SLC7A5: variants seen among roughly 807,000 people sequenced by gnomAD.
SLC7A5 encodes large neutral amino acids transporter small subunit 1.
Under a neutral mutation model 50.2 loss-of-function variants are expected in SLC7A5, and 23 were observed. That is an observed-to-expected ratio of 0.46 (90% CI 0.33 to 0.65). The LOEUF (loss-of-function observed/expected upper bound fraction) is 0.65. SLC7A5 is among the 30% of genes least tolerant of loss of function. SLC7A5 has a pLI of 0.02. For synonymous variants in SLC7A5, 393 were observed against 330.6 expected (o/e 1.19, Z -2.05); for missense variants, 578 against 684.4 (o/e 0.84, Z 1.73).
intron 1 of SLC7A5, among the ~76,000 whole-genome samples, chr16:87,856,567 C>G (rs1473239365): frequency 6.6e-6 from 1 of 152,240 alleles, no homozygotes; most frequent in Non-Finnish European, 1.5e-5. Context: ...GAGCCAGCAC[C>G]TGGCAAACCT....
Position 87,869,489 on chromosome 16 carries a change from C to T in SLC7A5, c.-67G>A, listed in dbSNP as rs1335331872. On this transcript the variant is annotated 5_prime_UTR_variant, in exon 1 of 10. Coordinates refer to ENST00000261622, the MANE Select transcript of SLC7A5 (RefSeq NM_003486.7). ...GCCCAGCGAGCAGTGTGCGCGCCGCCCGCCGCCCGCAGCTGCGTCAGGAAC... is the reference window on the plus strand; with the variant it reads ...GCCCAGCGAGCAGTGTGCGCGCCGCTCGCCGCCCGCAGCTGCGTCAGGAAC... 1.9e-5 allele frequency: 21 copies of T among 1,132,968 alleles called. No homozygotes were observed. Among genetic ancestry groups the T allele is most frequent in the Non-Finnish European group, 2.2e-5 (20 of 920,456 alleles). 70.2% of individuals were successfully genotyped at this position (1,132,968 alleles called of 1,614,324 possible).
chr16:87,857,477 T>C (rs2055335981), intron 1 of SLC7A5, among the ~76,000 whole-genome samples: 2 of 152,236 alleles, frequency 1.3e-5, no homozygotes, highest in Non-Finnish European at 2.9e-5. Context: ...GAGACAAGCG[T>C]TCACCATGTT....
chr16:87,866,104 C>CG (rs1199137202), intron 1 of SLC7A5, among the ~76,000 whole-genome samples: 11 of 126,862 alleles, frequency 8.7e-5, no homozygotes, highest in Non-Finnish European at 1.3e-4. Flanking sequence ...TATGGGGGGG[C>CG]GGGGGTGCGG....
intron 7 of SLC7A5, chr16:87,837,624 T>G: frequency 1.9e-6 from 1 of 540,210 alleles, no homozygotes. Context: ...GCATTTCCGA[T>G]GGTCTGAATC....
At chr16:87,855,333 T>G (rs1049462067) in intron 1 of SLC7A5, among the ~76,000 whole-genome samples, 1 of 151,752 alleles carries the variant, frequency 6.6e-6, no homozygotes, top group Non-Finnish European at 1.5e-5. Flanking sequence ...TCAGAGACCA[T>G]GCAAGAAGGC....
chr16:87,859,431 C>T (rs1464646107), intron 1 of SLC7A5, among the ~76,000 whole-genome samples: 1 of 152,182 alleles, frequency 6.6e-6, no homozygotes, highest in Non-Finnish European at 1.5e-5. Flanking sequence ...GTCACCATGG[C>T]CTTGGTTTTG....
At chr16:87,844,484 T>A (rs764954181) in intron 2 of SLC7A5, among the ~76,000 whole-genome samples, 1 of 152,184 alleles carries the variant, frequency 6.6e-6, no homozygotes, top group Non-Finnish European at 1.5e-5. Context: ...GCTAAAGCCA[T>A]CCTGCTGACG....
rs1179150611 is a variant in SLC7A5, at chr16:87,860,325, C to CAAA, written c.539-8479_539-8477dup. On this transcript the variant is annotated intron_variant, in intron 1 of 9. Coordinates refer to ENST00000261622, the MANE Select transcript of SLC7A5 (RefSeq NM_003486.7). This position sits in a 1 kb window ranked among gnomAD's most constrained non-coding sequence, Gnocchi z 4.8. ...TCCAGCCCGAGTAACAAAAGCATCT[C>CAAA]AAAAAAAAAAAAAAATACACACACA... 1.3e-5 allele frequency among the ~76,000 whole-genome samples: 1 copy of CAAA among 78,982 alleles called. No homozygotes were observed. Among genetic ancestry groups the CAAA allele is most frequent in the East Asian group, 3.6e-4 (1 of 2,796 alleles). 51.8% of individuals were successfully genotyped at this position (78,982 alleles called of 152,430 possible).
At chr16:87,859,553 G>A (rs1278182589) in intron 1 of SLC7A5, among the ~76,000 whole-genome samples, 3 of 152,116 alleles carry the variant, frequency 2.0e-5, no homozygotes, top group South Asian at 2.1e-4. Context: ...CCTGAAAAAC[G>A]AGCTCAGGTC....
intron 1 of SLC7A5, among the ~76,000 whole-genome samples, chr16:87,858,672 G>A (rs374907808): frequency 6.6e-6 from 1 of 152,098 alleles, no homozygotes; most frequent in African/African-American, 2.4e-5. Context: ...TCGTGCTCTG[G>A]CCACTTGACT....
intron 1 of SLC7A5, among the ~76,000 whole-genome samples, chr16:87,865,164 G>C (rs894501732): frequency 6.6e-6 from 1 of 151,814 alleles, no homozygotes; most frequent in Non-Finnish European, 1.5e-5. Flanking sequence ...CTTGCAGAGA[G>C]TACATCCCTT....
At position 87,833,104 on chromosome 16, in the gene SLC7A5, C is replaced by A. The variant is rs1158779337; in HGVS notation, c.1469-79G>T. On this transcript the variant is annotated intron_variant, in intron 9 of 9. Transcript: ENST00000261622. The surrounding 1 kb of genome is among the most constrained non-coding windows in gnomAD (Gnocchi z 6.0). ...GGACACGGGGGCGTGAGCTGGGGCTCCCCCAGCCCTGCTGTCACCAAACCC... is the reference window on the plus strand; with the variant it reads ...GGACACGGGGGCGTGAGCTGGGGCTACCCCAGCCCTGCTGTCACCAAACCC... 2 of 1,194,210 alleles carry A rather than the reference C, an allele frequency of 1.7e-6. No homozygotes were observed. Among genetic ancestry groups the A allele is most frequent in the Non-Finnish European group, 1.3e-6 (1 of 798,748 alleles). 74.0% of individuals were successfully genotyped at this position (1,194,210 alleles called of 1,614,324 possible). A position where few individuals can be genotyped will look rare whatever the true frequency, so the allele number is the denominator to read the frequency against.
rs79578757 is a variant in SLC7A5 at position 87,841,157 on chromosome 16, T to C, written c.665-2A>G. 3 of 1,597,008 alleles carry C rather than the reference T, an allele frequency of 1.9e-6. No homozygotes were observed. The African/African-American group carries it at 4.0e-5, about 21-fold the overall frequency. ...TGGGATCTAGATTGGACACATCACC[T>C]GGCAGGGCCAAAGAAAGGAATGCTG... On this transcript the variant is annotated splice_acceptor_variant, in intron 2 of 9. Coordinates refer to ENST00000261622, the MANE Select transcript of SLC7A5 (RefSeq NM_003486.7). LOFTEE classifies it high-confidence loss of function. This position sits in a 1 kb window ranked among gnomAD's most constrained non-coding sequence, Gnocchi z 4.8.
At chr16:87,858,286 A>G (rs1075973) in intron 1 of SLC7A5, among the ~76,000 whole-genome samples, 9,553 of 152,192 alleles carry the variant, frequency 0.063, 369 homozygotes, top group South Asian at 0.15. Context: ...ACGGCGCCCC[A>G]TGAAAGCATC....
intron 1 of SLC7A5, among the ~76,000 whole-genome samples, chr16:87,868,315 A>C (rs2055489094): frequency 6.6e-6 from 1 of 151,974 alleles, no homozygotes; most frequent in Non-Finnish European, 1.5e-5. Flanking sequence ...CTCTCTCACT[A>C]CTGGGAACCC....
In SLC7A5 at chr16:87,852,651, T is replaced by TGTGC. The variant is rs1223512625; in HGVS notation, c.539-803_539-802insGCAC. Among the ~76,000 whole-genome samples, 11 of 144,414 alleles carry TGTGC rather than the reference T, an allele frequency of 7.6e-5. No individual in the cohort carries two copies. The highest frequency in any genetic ancestry group is 1.1e-4 in the Non-Finnish European group (7 of 65,914). The allele number at this position is 144,414 out of a possible 152,430, so 94.7% of individuals were successfully genotyped here. A position where few individuals can be genotyped will look rare whatever the true frequency, so the allele number is the denominator to read the frequency against. ...AGCTCTGAGCCTCTGTGTGTGTGTGTGTGTGTGTGTGTGTGTGTGTGTGTG... is the reference window on the plus strand; with the variant it reads ...AGCTCTGAGCCTCTGTGTGTGTGTGTGTGCGTGTGTGTGTGTGTGTGTGTGTGTG... On this transcript the variant is annotated intron_variant, in intron 1 of 9. Coordinates refer to ENST00000261622, the MANE Select transcript of SLC7A5 (RefSeq NM_003486.7). This position sits in a 1 kb window ranked among gnomAD's most constrained non-coding sequence, Gnocchi z 4.5.
intron 2 of SLC7A5, among the ~76,000 whole-genome samples, chr16:87,843,612 C>T (rs887149878): frequency 2.0e-5 from 3 of 151,968 alleles, no homozygotes; most frequent in African/African-American, 7.2e-5. Context: ...AGTTAGACAG[C>T]GTTCAAACCC....
intron 1 of SLC7A5, 132 bp from the exon 2 acceptor site, chr16:87,851,981 C>T: frequency 2.9e-6 from 3 of 1,029,610 alleles, no homozygotes; most frequent in Non-Finnish European, 4.4e-6. Flanking sequence ...TAAACAGCTC[C>T]AGTCCCCTGC....
At position 87,832,914 on chromosome 16, in the gene SLC7A5, G is replaced by C; in HGVS notation, c.*56C>G. The C allele has an allele frequency of 7.0e-7, 1 of 1,431,520 alleles. No homozygotes were observed. The highest frequency in any genetic ancestry group is 9.9e-7 in the Non-Finnish European group (1 of 1,014,298). 88.7% of individuals were successfully genotyped at this position (1,431,520 alleles called of 1,614,324 possible). On this transcript the variant is annotated 3_prime_UTR_variant, in exon 10 of 10. Coordinates refer to ENST00000261622, the MANE Select transcript of SLC7A5 (RefSeq NM_003486.7). This position sits in a 1 kb window ranked among gnomAD's most constrained non-coding sequence, Gnocchi z 4.6. Reference sequence around the variant, plus strand: ...GGAACCGGAGTGGGTTCGAGGAGGTGATCTACTTTAACTGGCCTCTGCGCA... The same window carrying C: ...GGAACCGGAGTGGGTTCGAGGAGGTCATCTACTTTAACTGGCCTCTGCGCA...
Sources: allele counts gnomAD v4.1 joint callset (sites outside exome capture counted in the v4.1 genomes callset), GRCh38; gene constraint gnomAD v4.1.1; non-coding constraint Gnocchi (gnomAD v3.1); transcripts MANE v1.5; gene names NCBI Gene and HGNC (gene_info 2026-07-23, HGNC 2026-07-21).